The following KLHL1 variants were observed in gnomAD, a reference collection of about 807,000 sequenced individuals.
KLHL1 encodes the protein kelch like family member 1.
Under a neutral mutation model 77.7 loss-of-function variants are expected in KLHL1, and 47 were observed. The observed-to-expected ratio is 0.60, with a 90% confidence interval of 0.48 to 0.77. The LOEUF (loss-of-function observed/expected upper bound fraction) is 0.77. KLHL1 is among the 30% of genes least tolerant of loss of function. The pLI, the probability that KLHL1 is intolerant of heterozygous loss-of-function variation, is 0.00. For synonymous variants in KLHL1, 360 were observed against 325.2 expected (o/e 1.11, Z -1.15); for missense variants, 925 against 910.8 (o/e 1.02, Z -0.20).
intron 1 of KLHL1, among the ~76,000 whole-genome samples, chr13:70,093,617 G>T (rs1324445751): frequency 2.6e-5 from 4 of 151,980 alleles, no homozygotes; most frequent in African/African-American, 4.8e-5. Flanking sequence ...CATAAATTGT[G>T]TATAAGGGGG....
chr13:69,903,541 C>A (rs1881942633), intron 4 of KLHL1, among the ~76,000 whole-genome samples: 1 of 151,096 alleles, frequency 6.6e-6, no homozygotes, highest in African/African-American at 2.4e-5. Flanking sequence ...TTCTTTTATA[C>A]CAGAGGGGCT....
chr13:69,997,501 C>T (rs977283418), intron 1 of KLHL1, among the ~76,000 whole-genome samples: 2 of 151,172 alleles, frequency 1.3e-5, no homozygotes, highest in Non-Finnish European at 1.5e-5. Flanking sequence ...CACCGCTTTC[C>T]TCTGTTTCTA....
intron 1 of KLHL1, among the ~76,000 whole-genome samples, chr13:70,027,172 A>G (rs1010864394): frequency 2.0e-5 from 3 of 152,158 alleles, no homozygotes; most frequent in Non-Finnish European, 4.4e-5. Flanking sequence ...CTATTACTGT[A>G]TTTGTGGCTG....
At chr13:69,734,013 G>A (rs1049542749) in intron 8 of KLHL1, among the ~76,000 whole-genome samples, 1 of 152,110 alleles carries the variant, frequency 6.6e-6, no homozygotes, top group Non-Finnish European at 1.5e-5. Flanking sequence ...ATAATTGACA[G>A]AGTTTGGATG....
intron 4 of KLHL1, among the ~76,000 whole-genome samples, chr13:69,907,809 AG>A (rs1356696043): frequency 1.3e-5 from 2 of 152,106 alleles, no homozygotes; most frequent in African/African-American, 4.8e-5. Flanking sequence ...TTATATAAAA[AG>A]ACTATTAGCA....
intron 1 of KLHL1, among the ~76,000 whole-genome samples, chr13:70,075,752 T>C (rs1301947572): frequency 2.6e-5 from 2 of 75,548 alleles, no homozygotes; most frequent in African/African-American, 8.0e-5. Context: ...TATACACACA[T>C]ACACACACAT....
intron 8 of KLHL1, among the ~76,000 whole-genome samples, chr13:69,726,424 A>G (rs770294745): frequency 3.5e-4 from 53 of 152,194 alleles, no homozygotes; most frequent in Non-Finnish European, 6.0e-4. Context: ...CTGCCTTTCC[A>G]TGGGAAATAT....
intron 6 of KLHL1, among the ~76,000 whole-genome samples, chr13:69,826,357 G>A (rs1878547749): frequency 6.6e-6 from 1 of 152,218 alleles, no homozygotes; most frequent in Non-Finnish European, 1.5e-5. Flanking sequence ...GGCCAAGGCA[G>A]GCAGATCACT....
intron 1 of KLHL1, among the ~76,000 whole-genome samples, chr13:70,095,685 C>T (rs1336015991): frequency 6.6e-6 from 1 of 152,078 alleles, no homozygotes; most frequent in Non-Finnish European, 1.5e-5. Flanking sequence ...GTGTTAGAAA[C>T]ATTCCAATTC....
rs1888131856 is a variant in KLHL1, at chr13:70,108,448, A to G, written c.-749T>C. The G allele has an allele frequency of 6.7e-6, 1 of 149,540 alleles. No homozygotes were observed. The highest frequency in any genetic ancestry group is 1.5e-5 in the Non-Finnish European group (1 of 67,388). The allele number at this position is 149,540 out of a possible 1,614,324, so 9.3% of individuals were successfully genotyped here. ...CCTGTGAAGCTGTCAAGGTCCTCAC[A>G]GTACAATTTTCTCTCTGCCTCAGCG... On this transcript the variant is annotated 5_prime_UTR_variant, in exon 1 of 11. Coordinates refer to ENST00000377844, the MANE Select transcript of KLHL1 (RefSeq NM_020866.3).
chr13:69,788,492 C>T (rs1175789459), intron 7 of KLHL1, among the ~76,000 whole-genome samples: 2 of 151,962 alleles, frequency 1.3e-5, no homozygotes, highest in East Asian at 3.9e-4. Flanking sequence ...AGGGGAACAT[C>T]ACACTTCGGG....
chr13:70,014,151 G>A (rs1433169615), intron 1 of KLHL1, among the ~76,000 whole-genome samples: 1 of 152,010 alleles, frequency 6.6e-6, no homozygotes, highest in Non-Finnish European at 1.5e-5. Flanking sequence ...CTTATGTGGA[G>A]TAACAAATTG....
At chr13:69,855,508 C>A (rs1209805980) in intron 5 of KLHL1, among the ~76,000 whole-genome samples, 1 of 151,888 alleles carries the variant, frequency 6.6e-6, no homozygotes, top group African/African-American at 2.4e-5. Flanking sequence ...ATAATTTCCA[C>A]ATATCAAGGG....
At chr13:69,776,352 A>G (rs1278302852) in intron 7 of KLHL1, among the ~76,000 whole-genome samples, 1 of 152,194 alleles carries the variant, frequency 6.6e-6, no homozygotes, top group Non-Finnish European at 1.5e-5. Flanking sequence ...GAAGCAAAGC[A>G]AAACCACCTC....
chr13:69,998,283 A>G (rs189633957), intron 1 of KLHL1, among the ~76,000 whole-genome samples: 172 of 152,140 alleles, frequency 1.1e-3, no homozygotes, highest in Admixed American at 3.4e-3. Flanking sequence ...AGAAATATTA[A>G]TGACTGATAG....
At chr13:69,755,573 G>C (rs568654141) in intron 7 of KLHL1, among the ~76,000 whole-genome samples, 3 of 151,814 alleles carry the variant, frequency 2.0e-5, no homozygotes, top group Non-Finnish European at 4.4e-5. Context: ...AAATATGATA[G>C]ATCTGAATTA....
At chr13:69,787,261 A>G (rs1203743035) in intron 7 of KLHL1, among the ~76,000 whole-genome samples, 1 of 152,150 alleles carries the variant, frequency 6.6e-6, no homozygotes, top group East Asian at 1.9e-4. Flanking sequence ...TTCAAACTAT[A>G]CTACAAGGCT....
At position 69,719,553 on chromosome 13, in the gene KLHL1, T is replaced by C. The variant is rs1872948152; in HGVS notation, c.1831A>G (p.Ser611Gly). Residue 611 changes from serine (S) to glycine (G), a missense_variant, in exon 9 of 11, where the codon AGT becomes GGT. Transcript: ENST00000377844. ...TATTCCATTGAACTCAAACAGGAAC[T>C]TCCATCACGACCTCCAACTGAATAC... ...KLYSVGGRDG[S>G]SCLSSMEYYD... 4 of 1,612,918 alleles carry C rather than the reference T, an allele frequency of 2.5e-6. No homozygotes were observed. Among genetic ancestry groups the C allele is most frequent in the Non-Finnish European group, 3.4e-6 (4 of 1,179,480 alleles).
chr13:69,788,055 T>C (rs1434997465), intron 7 of KLHL1, among the ~76,000 whole-genome samples: 1 of 152,350 alleles, frequency 6.6e-6, no homozygotes, highest in East Asian at 1.9e-4. Context: ...ACTTTTACAC[T>C]GTTGGTGGGA....
Sources: gnomAD v4.1 joint callset for allele counts (sites outside exome capture counted in the v4.1 genomes callset) on GRCh38, gnomAD v4.1.1 for gene constraint, MANE v1.5 for transcripts, NCBI Gene and HGNC (gene_info 2026-07-23, HGNC 2026-07-21) for gene names.